Variants in SEPTIN10 observed in about 807,000 individuals in gnomAD.
SEPTIN10 encodes septin 10.
SEPTIN10 carries 66 observed loss-of-function variants against 54.8 expected under a neutral mutation model. The ratio of observed to expected loss-of-function variants is 1.21; its 90% CI spans 0.99 to 1.48. The LOEUF (loss-of-function observed/expected upper bound fraction) is 1.48. SEPTIN10 is among the 40% of genes most tolerant of loss of function. The pLI is 0.00. For missense variants in SEPTIN10, 620 were observed against 545.6 expected, an observed-to-expected ratio of 1.14 and a Z score of -1.36; for synonymous variants, 161 against 181.0, an observed-to-expected ratio of 0.89 and a Z score of 0.89.
chr2:109,552,728 T>A, intron 9 of SEPTIN10: 6 of 194,618 alleles, frequency 3.1e-5, no homozygotes, highest in Non-Finnish European at 5.2e-5. Flanking sequence ...AAACCACCAC[T>A]GAGACTGGTT....
intron 7 of SEPTIN10, among the ~76,000 whole-genome samples, chr2:109,564,748 C>A (rs1686556237): frequency 6.6e-6 from 1 of 152,116 alleles, no homozygotes; most frequent in Non-Finnish European, 1.5e-5. Flanking sequence ...AATTAACAGA[C>A]CAGATTTACT....
chr2:109,613,629 G>GC (rs1699791754), intron 1 of SEPTIN10, 169 bp downstream of exon 1: 1 of 389,908 alleles, frequency 2.6e-6, no homozygotes, highest in African/African-American at 2.1e-5. Context: ...CTCCTCTCCC[G>GC]CCCCAGGCGC....
At chr2:109,568,067 A>T (rs1687491837) in intron 5 of SEPTIN10, 91 bp from the exon 6 acceptor site, 10 of 1,020,490 alleles carry the variant, frequency 9.8e-6, no homozygotes, top group Non-Finnish European at 1.4e-5. Flanking sequence ...TCATTCTGAC[A>T]ATGAATTTCC....
chr2:109,577,841 A>AG (rs1287591482), intron 4 of SEPTIN10, among the ~76,000 whole-genome samples: 1 of 135,054 alleles, frequency 7.4e-6, no homozygotes, highest in Non-Finnish European at 1.5e-5. Context: ...TGAACCCAGG[A>AG]GGGGGAGGTT....
At chr2:109,554,456 T>C (rs960611406) in intron 8 of SEPTIN10, among the ~76,000 whole-genome samples, 1 of 152,140 alleles carries the variant, frequency 6.6e-6, no homozygotes, top group Admixed American at 6.5e-5. Flanking sequence ...GAGCCTATCC[T>C]GGAAGCTAAG....
At chr2:109,593,644 T>C (rs946869001) in intron 1 of SEPTIN10, among the ~76,000 whole-genome samples, 1 of 152,132 alleles carries the variant, frequency 6.6e-6, no homozygotes, top group Non-Finnish European at 1.5e-5. Flanking sequence ...GACCTCGTGA[T>C]TGGCCTGCCT....
chr2:109,550,043 T>C (rs1682486223), intron 9 of SEPTIN10, among the ~76,000 whole-genome samples: 2 of 151,936 alleles, frequency 1.3e-5, no homozygotes, highest in Non-Finnish European at 2.9e-5. Flanking sequence ...AGTATCTTTT[T>C]TCTTTGGGAG....
chr2:109,557,654 C>G (rs1266736281), intron 8 of SEPTIN10, among the ~76,000 whole-genome samples: 1 of 152,040 alleles, frequency 6.6e-6, no homozygotes, highest in East Asian at 1.9e-4. Flanking sequence ...AGGCCAATTT[C>G]AAGTAAAGAA....
intron 9 of SEPTIN10, among the ~76,000 whole-genome samples, chr2:109,548,377 G>A (rs1481204945): frequency 6.6e-6 from 1 of 152,168 alleles, no homozygotes; most frequent in Non-Finnish European, 1.5e-5. Context: ...AACAAAGCAG[G>A]ACTTGGTGTC....
chr2:109,581,781 G>T (rs1050749139), intron 4 of SEPTIN10, among the ~76,000 whole-genome samples: 1 of 152,130 alleles, frequency 6.6e-6, no homozygotes, highest in East Asian at 1.9e-4. Flanking sequence ...ATATGCCTGA[G>T]CTCACCATTC....
chr2:109,560,154 T>A (rs987367648), intron 8 of SEPTIN10, among the ~76,000 whole-genome samples: 1 of 152,114 alleles, frequency 6.6e-6, no homozygotes. Flanking sequence ...TCTCCTGACC[T>A]CGTGATCCGC....
chr2:109,595,741 A>G (rs1023072097), intron 1 of SEPTIN10, among the ~76,000 whole-genome samples: 3 of 152,246 alleles, frequency 2.0e-5, no homozygotes, highest in Non-Finnish European at 2.9e-5. Context: ...CGAACAGATT[A>G]GAGACAATAC....
chr2:109,577,613 G>T (rs113462837), intron 4 of SEPTIN10, among the ~76,000 whole-genome samples: 9,646 of 144,256 alleles, frequency 0.067, 721 homozygotes, highest in East Asian at 0.24. Context: ...AAAAAAAAAA[G>T]AAAAAGAAAG....
chr2:109,598,557 G>A (rs1308483339), intron 1 of SEPTIN10, among the ~76,000 whole-genome samples: 1 of 151,918 alleles, frequency 6.6e-6, no homozygotes, highest in Non-Finnish European at 1.5e-5. Flanking sequence ...AATTATCATC[G>A]GGAGGCCGGG....
chr2:109,597,553 A>T (rs1695582710), intron 1 of SEPTIN10, among the ~76,000 whole-genome samples: 1 of 150,826 alleles, frequency 6.6e-6, no homozygotes, highest in Non-Finnish European at 1.5e-5. Flanking sequence ...AAGGAGACTA[A>T]CCATCTCAAA....
chr2:109,546,315 G>A, intron 9 of SEPTIN10, 78 bp from the exon 10 acceptor site: 1 of 925,312 alleles, frequency 1.1e-6, no homozygotes, highest in South Asian at 2.0e-5. Flanking sequence ...CAACACAAAG[G>A]CGGACCCCAT....
At chr2:109,571,498 G>A (rs1372359717) in intron 5 of SEPTIN10, among the ~76,000 whole-genome samples, 2 of 152,164 alleles carry the variant, frequency 1.3e-5, no homozygotes, top group Non-Finnish European at 2.9e-5. Context: ...AATGGTAAGT[G>A]TGTGTATGTA....
chr2:109,553,878 T>C (rs1056184549), intron 8 of SEPTIN10, among the ~76,000 whole-genome samples: 1 of 150,936 alleles, frequency 6.6e-6, no homozygotes, highest in Non-Finnish European at 1.5e-5. Flanking sequence ...AGTGATACAA[T>C]AAACTTTCAA....
At chr2:109,601,851 GTA>G (rs1184189897) in intron 1 of SEPTIN10, among the ~76,000 whole-genome samples, 1 of 151,748 alleles carries the variant, frequency 6.6e-6, no homozygotes, top group Non-Finnish European at 1.5e-5. Context: ...TTCTAGCACT[GTA>G]TGAGTCAAGG....
Sources: gnomAD v4.1 joint callset for allele counts (sites outside exome capture counted in the v4.1 genomes callset) on GRCh38, gnomAD v4.1.1 for gene constraint, MANE v1.5 for transcripts, NCBI Gene and HGNC (gene_info 2026-07-23, HGNC 2026-07-21) for gene names.